KIRREL2: variants seen among roughly 807,000 people sequenced by gnomAD.
KIRREL2 encodes the protein kin of IRRE-like protein 2.
Under a neutral mutation model 73.4 loss-of-function variants are expected in KIRREL2, and 56 were observed. The observed-to-expected ratio is 0.76, with a 90% CI of 0.62 to 0.95. The LOEUF is 0.95. KIRREL2 is among the 40% of genes least tolerant of loss of function. The pLI, the probability that KIRREL2 is intolerant of heterozygous loss-of-function variation, is 0.00. For synonymous variants in KIRREL2, 407 were observed against 404.0 expected, an observed-to-expected ratio of 1.01 and a Z score of -0.09; for missense variants, 896 against 935.0, an observed-to-expected ratio of 0.96 and a Z score of 0.54.
chr19:35,865,667 T>C (rs230259), intron 14 of KIRREL2, among the ~76,000 whole-genome samples: 25,171 of 152,210 alleles, frequency 0.17, 4,897 homozygotes, highest in African/African-American at 0.48. Context: ...CTGAGGGCTC[T>C]ACCATCACAG....
Position 35,860,606 on chromosome 19 carries a change from G to T in KIRREL2, c.867G>T (p.Val289=), listed in dbSNP as rs777265961. 58 of 1,603,652 alleles carry T rather than the reference G, an allele frequency of 3.6e-5. 1 individual carries two copies. Among genetic ancestry groups the T allele is most frequent in the Non-Finnish European group, 4.7e-5 (56 of 1,179,974 alleles). ...VADASFLTEP[V]SCEVSNAVGS... Reference sequence around the variant, plus strand: ...ACGCCTCGTTCCTGACTGAGCCCGTGTCCTGCGAGGTCAGCAACGCCGTGG... The same window carrying T: ...ACGCCTCGTTCCTGACTGAGCCCGTTTCCTGCGAGGTCAGCAACGCCGTGG... The change falls in exon 7 of 15, where the codon GTG becomes GTT. Residue 289 remains valine (V), a synonymous_variant. Transcript: ENST00000360202.
At chr19:35,851,430 T>A (rs1446949521), upstream of KIRREL2, 1 of 1,612,874 alleles carries the variant, frequency 6.2e-7, no homozygotes, top group Non-Finnish European at 8.5e-7. Flanking sequence ...CGCTGGTGGC[T>A]GAGGGTCTCA....
upstream of KIRREL2, chr19:35,851,957 C>A: frequency 2.5e-6 from 2 of 803,788 alleles, no homozygotes; most frequent in Non-Finnish European, 4.2e-6. Flanking sequence ...TATCTCTTTC[C>A]GTTACTCTCC....
intron 13 of KIRREL2, 62 bp downstream of exon 13, chr19:35,863,098 A>G: frequency 1.1e-6 from 1 of 931,026 alleles, no homozygotes. Context: ...GCCCAGTCCC[A>G]AGAGGGTCCC....
In KIRREL2 at chr19:35,866,504, T is replaced by C. The variant is rs148345309; in HGVS notation, c.*12T>C. 531 of 1,613,616 alleles carry C rather than the reference T, an allele frequency of 3.3e-4. No homozygotes were observed. The highest frequency in any genetic ancestry group is 4.3e-4 in the Non-Finnish European group (504 of 1,179,870). On this transcript the variant is annotated 3_prime_UTR_variant, in exon 15 of 15. Transcript: ENST00000360202. ...AGACTCACGTGTGACATCTTTCCAA[T>C]GGAAGAGTCCTGGGATCTCCAACTT...
upstream of KIRREL2, among the ~76,000 whole-genome samples, chr19:35,854,865 T>C (rs76176628): frequency 0.031 from 4,646 of 152,288 alleles, 96 homozygotes; most frequent in Non-Finnish European, 0.048. Flanking sequence ...CTTTCTCTTA[T>C]GTGTCTCTCC....
At chr19:35,862,355 G>T in intron 11 of KIRREL2, 138 bp from the exon 12 acceptor site, 1 of 711,254 alleles carries the variant, frequency 1.4e-6, no homozygotes, top group South Asian at 1.7e-5. Context: ...TCTCAAACTT[G>T]GGGAACCCCA....
Position 35,858,926 on chromosome 19 carries a change from C to A in KIRREL2, c.522+62C>A. On this transcript the variant is annotated intron_variant, in intron 4 of 14. Transcript: ENST00000360202. ...GAGGGAAACTTGGGTTACACTCTGA[C>A]CACAGGCTCATCCAGAAGAGAAGAA... 7.7e-6 allele frequency: 12 copies of A among 1,552,386 alleles called. 1 individual carries two copies. In the South Asian group the frequency reaches 1.1e-4, roughly 15 times the overall value.
upstream of KIRREL2, chr19:35,851,567 A>AT: frequency 6.2e-7 from 1 of 1,613,798 alleles, no homozygotes; most frequent in South Asian, 1.1e-5. Flanking sequence ...AGGGGTGCTG[A>AT]CCCCACAACG....
intron 14 of KIRREL2, among the ~76,000 whole-genome samples, chr19:35,865,773 G>C (rs1397087490): frequency 6.6e-6 from 1 of 152,128 alleles, no homozygotes; most frequent in Non-Finnish European, 1.5e-5. Flanking sequence ...GGGATTCTGT[G>C]AGGACAGGGT....
chr19:35,854,098 GC>G (rs1466034529), upstream of KIRREL2, among the ~76,000 whole-genome samples: 4 of 152,022 alleles, frequency 2.6e-5, no homozygotes, highest in South Asian at 6.3e-4. Context: ...ACCTGCCTTG[GC>G]CCCCCAAAGT....
chr19:35,858,530 T>C lies in KIRREL2; in HGVS notation c.334T>C (p.Ser112Pro), dbSNP rs771349456. 1.2e-6 allele frequency: 2 copies of C among 1,613,968 alleles called. No individual in the cohort carries two copies. Among genetic ancestry groups the C allele is most frequent in the Non-Finnish European group, 1.7e-6 (2 of 1,180,036 alleles). The part of the protein sequence containing the change: ...ECQATQAGLR[S>P]RPAQLHVLVP... ...TCAGGCTACACAAGCAGGCCTCCGC[T>C]CCAGACCAGCCCAACTGCACGTGCT... The change falls in exon 3 of 15, where the codon TCC becomes CCC. Residue 112 changes from serine to proline, a missense_variant. By Grantham distance (74) the Ser-to-Pro change is moderately conservative. Transcript: ENST00000360202.
upstream of KIRREL2, among the ~76,000 whole-genome samples, chr19:35,852,483 G>A (rs1350754083): frequency 6.6e-6 from 1 of 152,110 alleles, no homozygotes; most frequent in Non-Finnish European, 1.5e-5. Flanking sequence ...CCTGCTCTCT[G>A]ACCCAGCTTG....
In KIRREL2 at chr19:35,864,682, T is replaced by C. The variant is rs1453906735; in HGVS notation, c.1760T>C (p.Val587Ala). Residue 587 changes from valine (V) to alanine (A), a missense_variant, in exon 14 of 15, where the codon GTT becomes GCT. Coordinates refer to ENST00000360202, the MANE Select transcript of KIRREL2 (RefSeq NM_199180.4). ...PIVHTDHSDLVLEEEGTLETK... is the reference protein window; with the variant it reads ...PIVHTDHSDLALEEEGTLETK... Reference sequence around the variant, plus strand: ...GTGCACACTGACCACAGTGATCTGGTTCTGGAGGAGGAAGGGACTCTGGAG... The same window carrying C: ...GTGCACACTGACCACAGTGATCTGGCTCTGGAGGAGGAAGGGACTCTGGAG... 6.2e-7 allele frequency: 1 copy of C among 1,613,026 alleles called. No homozygotes were observed. Among genetic ancestry groups the C allele is most frequent in the African/African-American group, 1.3e-5 (1 of 74,852 alleles).
intron 11 of KIRREL2, 48 bp from the exon 12 acceptor site, chr19:35,862,445 C>T (rs1177282040): frequency 9.3e-6 from 13 of 1,398,790 alleles, no homozygotes; most frequent in African/African-American, 1.4e-5. Flanking sequence ...GCCCCCGCTT[C>T]CTGGTTCCCC....
chr19:35,860,710 G>A (rs1189828253), intron 7 of KIRREL2, 43 bp downstream of exon 7: 10 of 1,597,380 alleles, frequency 6.3e-6, no homozygotes, highest in South Asian at 1.1e-5. Flanking sequence ...AGGTGGCCGT[G>A]GCTTTCAGGG....
upstream of KIRREL2, among the ~76,000 whole-genome samples, chr19:35,852,304 GTCTCTCTC>G (rs139954720): frequency 4.2e-3 from 607 of 145,164 alleles, 1 homozygote; most frequent in Non-Finnish European, 8.0e-3. Flanking sequence ...CTCTCTCTCT[GTCTCTCTC>G]TCTCTCTCTC....
chr19:35,866,580 T>C lies in KIRREL2; in HGVS notation c.*88T>C, dbSNP rs775434251. ...GAGGAGCCAGGACAAGTTGGCGACC[T>C]TACTCCTCCAAAACTGAACACAAGG... On this transcript the variant is annotated 3_prime_UTR_variant, in exon 15 of 15. Transcript: ENST00000360202. 6.3e-7 allele frequency: 1 copy of C among 1,582,248 alleles called. No individual in the cohort carries two copies. Among genetic ancestry groups the C allele is most frequent in the Non-Finnish European group, 8.6e-7 (1 of 1,158,746 alleles).
At chr19:35,862,404 T>A (rs953648661) in intron 11 of KIRREL2, 89 bp from the exon 12 acceptor site, 32 of 1,001,068 alleles carry the variant, frequency 3.2e-5, no homozygotes, top group African/African-American at 4.8e-5. Flanking sequence ...TGCGACCTTT[T>A]GAACCCAGGA....
Sources: gnomAD v4.1 joint callset for allele counts (sites outside exome capture counted in the v4.1 genomes callset) on GRCh38, gnomAD v4.1.1 for gene constraint, MANE v1.5 for transcripts, NCBI Gene and HGNC (gene_info 2026-07-23, HGNC 2026-07-21) for gene names.